The following BRD2 variants were observed in gnomAD, a reference collection of about 807,000 sequenced individuals.
The protein encoded by BRD2 is bromodomain containing 2.
A neutral mutation model predicts 79.1 loss-of-function variants in BRD2; 15 were observed. The ratio of observed to expected loss-of-function variants is 0.19; its 90% CI spans 0.13 to 0.29. The LOEUF (loss-of-function observed/expected upper bound fraction) is 0.29, where lower values mean the gene tolerates loss of function less well. Among genes scored for constraint, BRD2 ranks in the 10% least tolerant of loss-of-function variants. The probability of loss-of-function intolerance (pLI) is 1.00; values close to 1 mark genes in which losing one functional copy is unlikely to be tolerated. For missense variants in BRD2, 1,053 were observed against 991.3 expected, an observed-to-expected ratio of 1.06 and a Z score of -0.84; for synonymous variants, 488 against 358.6, an observed-to-expected ratio of 1.36 and a Z score of -4.08.
At chr6:32,969,387 T>C (rs1777747303) in intron 1 of BRD2, 3 of 715,228 alleles carry the variant, frequency 4.2e-6, no homozygotes, top group Non-Finnish European at 7.8e-6. Flanking sequence ...GAGGGAGGGG[T>C]GACCTGGCGG....
chr6:32,974,344 C>G (rs1360753167), intron 2 of BRD2, 118 bp from the exon 3 acceptor site: 9 of 1,022,768 alleles, frequency 8.8e-6, no homozygotes, highest in Non-Finnish European at 1.3e-5. Flanking sequence ...TTAAGAAGCA[C>G]TTGGCATAAG....
chr6:32,980,772 CCCTGCCCCA>C lies in BRD2; in HGVS notation c.*63_*71del, dbSNP rs1267313340. On this transcript the variant is annotated 3_prime_UTR_variant, in exon 13 of 13. Coordinates refer to ENST00000374825, the MANE Select transcript of BRD2 (RefSeq NM_005104.4). ...TCCGCAGGACCGGACCCCTAGACCA[CCCTGCCCCA>C]CCTGCCCCTTCCCCCTTTGCTGTGA... 7.5e-6 allele frequency: 12 copies of C among 1,594,468 alleles called. No homozygotes were observed. Among genetic ancestry groups the C allele is most frequent in the Non-Finnish European group, 9.4e-6 (11 of 1,167,246 alleles).
chr6:32,976,342 A>G lies in BRD2; in HGVS notation c.703A>G (p.Thr235Ala), dbSNP rs1778752113. Reference sequence around the variant, plus strand: ...GTATACTCCTCCACCTGAGATACCTACCACTGTCCTCAACATTCCCCACCC... The same window carrying G: ...GTATACTCCTCCACCTGAGATACCTGCCACTGTCCTCAACATTCCCCACCC... The part of the protein sequence containing the change: ...ALYTPPPEIP[T>A]TVLNIPHPSV... Residue 235 changes from threonine (T) to alanine (A), a missense_variant, in exon 6 of 13, where the codon ACC becomes GCC. Thr to Ala is a moderately conservative substitution (Grantham distance 58, BLOSUM62 0). This residue lies in a region of BRD2 where 413 missense variants were observed against 335.1 expected (regional missense o/e 1.23). Coordinates refer to ENST00000374825, the MANE Select transcript of BRD2 (RefSeq NM_005104.4). 2 of 1,612,856 alleles carry G rather than the reference A, an allele frequency of 1.2e-6. No homozygotes were observed. The highest frequency in any genetic ancestry group is 2.2e-5 in the South Asian group (2 of 91,064).
rs1561939340 is a variant in BRD2 at position 32,975,370 on chromosome 6, A to T, written c.334-14A>T. 2 of 1,596,066 alleles carry T rather than the reference A, an allele frequency of 1.3e-6. No homozygotes were observed. Among genetic ancestry groups the T allele is most frequent in the Admixed American group, 1.7e-5 (1 of 59,214 alleles). On this transcript the variant is annotated splice_polypyrimidine_tract_variant and intron_variant, in intron 3 of 12. Transcript: ENST00000374825. ...TATTTTTCTGTGGTTCTGACCTAAC[A>T]TTTTTTTATTTAGGATTATCACAAA...
chr6:32,976,852 C>CT lies in BRD2; in HGVS notation c.1117dup (p.Tyr373LeufsTer2). The CT allele has an allele frequency of 6.2e-7, 1 of 1,613,182 alleles. No homozygotes were observed. The highest frequency in any genetic ancestry group is 8.5e-7 in the Non-Finnish European group (1 of 1,180,044). On this transcript the variant is annotated frameshift_variant, in exon 7 of 13. Transcript: ENST00000374825. LOFTEE classifies it high-confidence loss of function. ...AGCATGCTGCCTATGCTTGGCCTTT[C>CT]TATAAACCAGTGGATGCTTCTGCAC...
Position 32,980,059 on chromosome 6 carries a change from C to T in BRD2, c.2073C>T (p.Leu691=). 1.2e-6 allele frequency: 2 copies of T among 1,613,030 alleles called. No homozygotes were observed. Among genetic ancestry groups the T allele is most frequent in the Non-Finnish European group, 1.7e-6 (2 of 1,180,014 alleles). ...AGATTGAGATTGATTTTGAAACACT[C>T]AAGCCATCCACACTTAGAGAGCTTG... is the stretch of plus-strand genomic sequence containing the variant. The part of the protein sequence containing the change: ...PEEIEIDFET[L]KPSTLRELER... Residue 691 remains leucine (L), a synonymous_variant, in exon 11 of 13, where the codon CTC becomes CTT. Coordinates refer to ENST00000374825, the MANE Select transcript of BRD2 (RefSeq NM_005104.4).
Position 32,980,689 on chromosome 6 carries a change from T to C in BRD2, c.2377T>C (p.Ser793Pro). 2 of 1,613,076 alleles carry C rather than the reference T, an allele frequency of 1.2e-6. No individual in the cohort carries two copies. The highest frequency in any genetic ancestry group is 1.7e-6 in the Non-Finnish European group (2 of 1,180,034). Residue 793 changes from serine (S) to proline (P), a missense_variant, in exon 13 of 13, where the codon TCA becomes CCA. Coordinates refer to ENST00000374825, the MANE Select transcript of BRD2 (RefSeq NM_005104.4). ...SSSSSSSSSS[S>P]DTSDSDSG ...CTCCTCCTCTTCCTCGTCGTCGTCT[T>C]CAGACACCAGTGATTCAGACTCAGG...
chr6:32,977,843 C>T lies in BRD2; in HGVS notation c.1416C>T (p.Gly472=), dbSNP rs200897288. Residue 472 remains glycine, a synonymous_variant, in exon 9 of 13, where the codon GGC becomes GGT. Coordinates refer to ENST00000374825, the MANE Select transcript of BRD2 (RefSeq NM_005104.4). ...PLPVSTAMPP[G]LAKSSSESSS... ...CAGTCTCTACTGCCATGCCCCCTGGCTTGGCCAAATCGTCTTCAGAGTCCT... is the reference window on the plus strand; with the variant it reads ...CAGTCTCTACTGCCATGCCCCCTGGTTTGGCCAAATCGTCTTCAGAGTCCT... 1.2e-6 allele frequency: 2 copies of T among 1,613,106 alleles called. No homozygotes were observed. The highest frequency in any genetic ancestry group is 1.7e-6 in the Non-Finnish European group (2 of 1,180,028).
At chr6:32,974,847 C>T (rs2127510559) in intron 3 of BRD2, 82 bp downstream of exon 3, 1 of 1,505,702 alleles carries the variant, frequency 6.6e-7, no homozygotes, top group Non-Finnish European at 9.0e-7. Flanking sequence ...AGTGTAGATG[C>T]TGCGGCCCCT....
chr6:32,976,256 A>G lies in BRD2; in HGVS notation c.617A>G (p.Gln206Arg), dbSNP rs1227753063. 1 of 1,612,826 alleles carries G rather than the reference A, an allele frequency of 6.2e-7. No homozygotes were observed. Among genetic ancestry groups the G allele is most frequent in the Non-Finnish European group, 8.5e-7 (1 of 1,179,946 alleles). ...HKKGAKLAAL[Q>R]GSVTSAHQVP... ...CTTTTTTCCTTTTTTCTAGCGCTCC[A>G]GGGCAGTGTTACCAGTGCCCATCAG... is the stretch of plus-strand genomic sequence containing the variant. The change falls in exon 6 of 13, where the codon CAG (glutamine) becomes CGG (arginine). Residue 206 changes from glutamine (Q) to arginine (R), a missense_variant. Physicochemically the swap from Gln to Arg is conservative, Grantham distance 43. Around this residue, in one of 5 missense-constraint regions of BRD2, gnomAD observed 413 missense variants for 335.1 expected, o/e 1.23. Transcript: ENST00000374825.
chr6:32,970,924 T>G (rs533283314), intron 1 of BRD2: 2,313 of 144,952 alleles, frequency 0.016, 17 homozygotes, highest in Middle Eastern at 0.029. Flanking sequence ...AGCCGCCGCC[T>G]CCTCCGCTCG....
At position 32,971,546 on chromosome 6, in the gene BRD2, A is replaced by C; in HGVS notation, c.-1304-49A>C. On this transcript the variant is annotated intron_variant, in intron 1 of 12. Coordinates refer to ENST00000374825, the MANE Select transcript of BRD2 (RefSeq NM_005104.4). ...TCTGAAGCCCGTAGCTGTTCGCCAT[A>C]GAGGAGCAGGCCGCGGCTTCTAAGA... 3 of 447,204 alleles carry C rather than the reference A, an allele frequency of 6.7e-6. No homozygotes were observed. The South Asian group carries it at 1.5e-4, about 23-fold the overall frequency. 27.7% of individuals were successfully genotyped at this position (447,204 alleles called of 1,614,324 possible).
chr6:32,973,749 C>T (rs1778345812), intron 2 of BRD2, among the ~76,000 whole-genome samples: 1 of 152,150 alleles, frequency 6.6e-6, no homozygotes, highest in South Asian at 2.1e-4. Flanking sequence ...GTGACCTTGA[C>T]TGTTTTGTAC....
intron 11 of BRD2, 35 bp downstream of exon 11, chr6:32,980,167 A>G: frequency 6.3e-7 from 1 of 1,594,452 alleles, no homozygotes; most frequent in Non-Finnish European, 8.5e-7. Context: ...CATGGTTCTG[A>G]GGACAGTTGA....
At chr6:32,970,495 G>T in intron 1 of BRD2, 1 of 152,950 alleles carries the variant, frequency 6.5e-6, no homozygotes, top group Middle Eastern at 3.3e-3. Flanking sequence ...CAAGGACCTA[G>T]GCCCTTACGA....
chr6:32,981,327 A>G lies in BRD2; in HGVS notation c.*609A>G, dbSNP rs1388554075. On this transcript the variant is annotated 3_prime_UTR_variant, in exon 13 of 13. Transcript: ENST00000374825. Reference sequence around the variant, plus strand: ...ATTATTCAAGTTTTGAGTTACCTTAATATTTGCTTTTGTAGTGTTTCAAAA... The same window carrying G: ...ATTATTCAAGTTTTGAGTTACCTTAGTATTTGCTTTTGTAGTGTTTCAAAA... 1 of 152,164 alleles carries G rather than the reference A, an allele frequency of 6.6e-6. No homozygotes were observed. The highest frequency in any genetic ancestry group is 1.5e-5 in the Non-Finnish European group (1 of 68,062). 9.4% of individuals were successfully genotyped at this position (152,164 alleles called of 1,614,324 possible).
intron 4 of BRD2, 95 bp from the exon 5 acceptor site, chr6:32,975,936 T>C: frequency 1.4e-6 from 2 of 1,388,668 alleles, no homozygotes; most frequent in Non-Finnish European, 1.9e-6. Flanking sequence ...GGTATGGTAA[T>C]GGCCTAGGGC....
chr6:32,979,118 C>G (rs1469974713), intron 10 of BRD2: 1 of 143,608 alleles, frequency 7.0e-6, no homozygotes, highest in African/African-American at 2.6e-5. Flanking sequence ...GTGGCGTGAT[C>G]TCGGCTTACT....
At chr6:32,980,501 C>T (rs779327242) in intron 12 of BRD2, 37 bp downstream of exon 12, 4 of 1,612,506 alleles carry the variant, frequency 2.5e-6, no homozygotes, top group Non-Finnish European at 3.4e-6. Flanking sequence ...AGATTGACTC[C>T]ATCCTGCCTT....
Sources: allele counts gnomAD v4.1 joint callset (sites outside exome capture counted in the v4.1 genomes callset), GRCh38; gene constraint gnomAD v4.1.1; regional missense constraint gnomAD v4.1.1; transcripts MANE v1.5; gene names NCBI Gene and HGNC (gene_info 2026-07-23, HGNC 2026-07-21).